The following AGXT2 variants were observed in gnomAD, a reference collection of about 807,000 sequenced individuals.
AGXT2 encodes the protein alanine--glyoxylate aminotransferase 2, also known as alanine--glyoxylate aminotransferase 2, mitochondrial.
A neutral mutation model predicts 62.5 loss-of-function variants in AGXT2; 61 were observed. That is an observed-to-expected ratio of 0.98 (90% CI 0.79 to 1.21). The LOEUF (loss-of-function observed/expected upper bound fraction) is 1.21, where lower values mean the gene tolerates loss of function less well. Ranked by LOEUF, AGXT2 falls within the 50% of genes most tolerant of loss-of-function variation. AGXT2 has a pLI of 0.00. For synonymous variants in AGXT2, 243 were observed against 218.7 expected, an observed-to-expected ratio of 1.11 and a Z score of -0.98; for missense variants, 666 against 641.5, an observed-to-expected ratio of 1.04 and a Z score of -0.41.
chr5:35,034,300 A>G (rs1767687355), intron 5 of AGXT2, among the ~76,000 whole-genome samples: 1 of 152,158 alleles, frequency 6.6e-6, no homozygotes, highest in Non-Finnish European at 1.5e-5. Context: ...ATGACTACTT[A>G]ATACTTACCT....
chr5:35,004,985 C>G (rs1355799227), intron 12 of AGXT2, among the ~76,000 whole-genome samples: 1 of 152,126 alleles, frequency 6.6e-6, no homozygotes, highest in Non-Finnish European at 1.5e-5. Flanking sequence ...AATACATATT[C>G]AAACTTTCAG....
intron 3 of AGXT2, among the ~76,000 whole-genome samples, chr5:35,037,352 AG>A: frequency 6.6e-6 from 1 of 152,354 alleles, no homozygotes; most frequent in South Asian, 2.1e-4. Flanking sequence ...GTTTGGGCTT[AG>A]AATTTCTTCT....
intron 13 of AGXT2, among the ~76,000 whole-genome samples, chr5:35,002,776 TG>T (rs139567894): frequency 2.9e-4 from 36 of 122,940 alleles, no homozygotes; most frequent in South Asian, 5.2e-4. Flanking sequence ...GATAGCAGGC[TG>T]GGGGGGGGGA....
chr5:35,013,970 C>A lies in AGXT2; in HGVS notation c.1096+17G>T, dbSNP rs138173903. On this transcript the variant is annotated intron_variant, in intron 10 of 13. Coordinates refer to ENST00000231420, the MANE Select transcript of AGXT2 (RefSeq NM_031900.4). ...TACGAGGCCCAGAAGCAAACACAAA[C>A]TGCCTGTGGGTCCTACCTGGAGTGG... 1,066 of 1,613,882 alleles carry A rather than the reference C, an allele frequency of 6.6e-4. 14 individuals are homozygous for A. The East Asian group carries it at 0.019, about 29-fold the overall frequency.
intron 9 of AGXT2, among the ~76,000 whole-genome samples, chr5:35,023,493 G>A (rs1767199841): frequency 6.6e-6 from 1 of 152,216 alleles, no homozygotes; most frequent in African/African-American, 2.4e-5. Flanking sequence ...CCACAAGACA[G>A]AAAATTTTGA....
At chr5:35,040,424 GA>G in intron 2 of AGXT2, 150 bp downstream of exon 2, 1 of 746,410 alleles carries the variant, frequency 1.3e-6, no homozygotes, top group Non-Finnish European at 2.3e-6. Flanking sequence ...GAGGGTTTCA[GA>G]TGCTTCCAAT....
chr5:35,041,639 C>T (rs1263774662), intron 1 of AGXT2, among the ~76,000 whole-genome samples: 2 of 152,114 alleles, frequency 1.3e-5, no homozygotes, highest in African/African-American at 4.8e-5. Context: ...TGAAGGTCAA[C>T]ATTAAGATAA....
intron 9 of AGXT2, among the ~76,000 whole-genome samples, chr5:35,018,902 A>G (rs1230874660): frequency 2.8e-5 from 4 of 145,170 alleles, no homozygotes; most frequent in Non-Finnish European, 6.0e-5. Flanking sequence ...ATAGAAAACA[A>G]AAAAAGGCAG....
intron 7 of AGXT2, among the ~76,000 whole-genome samples, chr5:35,031,759 A>G (rs1767563360): frequency 6.6e-6 from 1 of 152,082 alleles, no homozygotes; most frequent in Non-Finnish European, 1.5e-5. Flanking sequence ...GTTTTGTTTG[A>G]CGGATGCTCT....
intron 7 of AGXT2, among the ~76,000 whole-genome samples, chr5:35,029,757 G>A (rs344507): frequency 0.096 from 14,682 of 152,266 alleles, 1,823 homozygotes; most frequent in African/African-American, 0.29. Flanking sequence ...TGTGGGGGCA[G>A]TAGGTGATGA....
At chr5:35,021,819 A>T (rs1767103540) in intron 9 of AGXT2, among the ~76,000 whole-genome samples, 1 of 152,186 alleles carries the variant, frequency 6.6e-6, no homozygotes, top group Non-Finnish European at 1.5e-5. Context: ...TTCGCAACCT[A>T]CTCATCTGAC....
chr5:35,043,052 G>A (rs1178967167), intron 1 of AGXT2, among the ~76,000 whole-genome samples: 2 of 152,176 alleles, frequency 1.3e-5, no homozygotes, highest in Admixed American at 6.5e-5. Context: ...TAACTAGTGA[G>A]CTTTCATTTC....
rs577038982 is a variant in AGXT2 at position 35,025,948 on chromosome 5, T to C, written c.871-93A>G. ...TAGATCATCATTATCATCATTATCA[T>C]GACAGTAACACTAGCAATTTTAACA... is the stretch of plus-strand genomic sequence containing the variant. On this transcript the variant is annotated intron_variant, in intron 8 of 13. Transcript: ENST00000231420. The C allele has an allele frequency of 1.9e-5, 20 of 1,061,124 alleles. No individual in the cohort carries two copies. The African/African-American group carries it at 2.3e-4, about 12-fold the overall frequency. 65.7% of individuals were successfully genotyped at this position (1,061,124 alleles called of 1,614,324 possible).
At chr5:35,005,064 A>G (rs1766372774) in intron 12 of AGXT2, among the ~76,000 whole-genome samples, 1 of 152,252 alleles carries the variant, frequency 6.6e-6, no homozygotes, top group South Asian at 2.1e-4. Flanking sequence ...TCAAAATGCT[A>G]TCATGCATTC....
At chr5:35,021,578 T>C (rs1410332761) in intron 9 of AGXT2, among the ~76,000 whole-genome samples, 1 of 150,932 alleles carries the variant, frequency 6.6e-6, no homozygotes, top group African/African-American at 2.4e-5. Flanking sequence ...CAATTCAAGA[T>C]GGATTAAAGA....
intron 12 of AGXT2, among the ~76,000 whole-genome samples, chr5:35,007,526 G>C (rs1010334693): frequency 1.3e-5 from 2 of 152,122 alleles, no homozygotes; most frequent in African/African-American, 4.8e-5. Context: ...AGATATAGAG[G>C]GGAGAATACT....
chr5:35,026,396 GTTCATATACCCAC>G lies in AGXT2; in HGVS notation c.870+1_870+13del. The G allele has an allele frequency of 6.2e-7, 1 of 1,603,222 alleles. No individual in the cohort carries two copies. ...AGATTCAGCTCCATTAATGTCTAAG[GTTCATATACCCAC>G]TTGAATAGGTTCTGCGAAAAATCCA... is the stretch of plus-strand genomic sequence containing the variant. On this transcript the variant is annotated splice_donor_variant and splice_donor_5th_base_variant and intron_variant, in intron 8 of 13. Transcript: ENST00000231420. LOFTEE classifies it high-confidence loss of function.
At chr5:35,005,229 G>A (rs969988246) in intron 12 of AGXT2, among the ~76,000 whole-genome samples, 2 of 152,022 alleles carry the variant, frequency 1.3e-5, no homozygotes, top group Non-Finnish European at 2.9e-5. Context: ...TGTTGTTGTT[G>A]TTGTTGTTTT....
intron 1 of AGXT2, among the ~76,000 whole-genome samples, chr5:35,041,659 T>A (rs2112292041): frequency 6.6e-6 from 1 of 152,226 alleles, no homozygotes; most frequent in African/African-American, 2.4e-5. Flanking sequence ...ATTTTATAGG[T>A]GGAGAGAGCT....
Sources: allele counts gnomAD v4.1 joint callset (sites outside exome capture counted in the v4.1 genomes callset), GRCh38; gene constraint gnomAD v4.1.1; transcripts MANE v1.5; gene names NCBI Gene and HGNC (gene_info 2026-07-23, HGNC 2026-07-21).